Variants in MAP4K3 observed in about 807,000 individuals in gnomAD.
MAP4K3 encodes mitogen-activated protein kinase kinase kinase kinase 3, also known as MAPK/ERK kinase kinase kinase 3.
In MAP4K3, 94 loss-of-function variants were observed where a neutral mutation model predicts 143.5. That is an observed-to-expected ratio of 0.65 (90% CI 0.55 to 0.78). The LOEUF is 0.78. Among genes scored for constraint, MAP4K3 ranks in the 30% least tolerant of loss-of-function variants. The pLI is 0.00. For synonymous variants in MAP4K3, 416 were observed against 347.2 expected (o/e 1.20, Z -2.20); for missense variants, 1,077 against 1,068.1 (o/e 1.01, Z -0.12).
At chr2:39,413,735 T>C (rs1208492406) in intron 1 of MAP4K3, among the ~76,000 whole-genome samples, 1 of 151,744 alleles carries the variant, frequency 6.6e-6, no homozygotes, top group African/African-American at 2.4e-5. Context: ...AACAACTGTC[T>C]TCTCAGAACT....
intron 1 of MAP4K3, among the ~76,000 whole-genome samples, chr2:39,431,623 T>A (rs1346219927): frequency 1.3e-5 from 2 of 151,934 alleles, no homozygotes; most frequent in South Asian, 2.1e-4. Context: ...CAGATATTGG[T>A]GGGGAGGGGT....
At chr2:39,378,835 T>C (rs577044298) in intron 1 of MAP4K3, among the ~76,000 whole-genome samples, 3 of 151,888 alleles carry the variant, frequency 2.0e-5, no homozygotes, top group African/African-American at 7.2e-5. Context: ...TGTATAATTA[T>C]GTATATAAGT....
chr2:39,267,368 T>A (rs557769173), intron 26 of MAP4K3, 121 bp from the exon 27 acceptor site: 32 of 739,308 alleles, frequency 4.3e-5, no homozygotes, highest in Middle Eastern at 7.7e-4. Flanking sequence ...TACTAGCTCA[T>A]CTATTAAAAT....
chr2:39,378,996 A>G (rs1326989659), intron 1 of MAP4K3, among the ~76,000 whole-genome samples: 2 of 152,192 alleles, frequency 1.3e-5, no homozygotes, highest in East Asian at 3.9e-4. Flanking sequence ...TTTCAATTTG[A>G]TATTTTAAAC....
chr2:39,287,426 TA>T (rs1681840214), intron 20 of MAP4K3, among the ~76,000 whole-genome samples: 1 of 151,646 alleles, frequency 6.6e-6, no homozygotes, highest in African/African-American at 2.4e-5. Flanking sequence ...GTCTCCCAAG[TA>T]GCTGGGATTA....
intron 12 of MAP4K3, among the ~76,000 whole-genome samples, chr2:39,319,159 C>A (rs537974610): frequency 1.1e-3 from 171 of 152,148 alleles, no homozygotes; most frequent in Admixed American, 2.0e-3. Context: ...AATGCCAATA[C>A]TTTCTGAATG....
At chr2:39,369,097 GA>G (rs1033872044) in intron 2 of MAP4K3, among the ~76,000 whole-genome samples, 4 of 151,634 alleles carry the variant, frequency 2.6e-5, no homozygotes, top group Non-Finnish European at 4.4e-5. Context: ...TGTGTACACT[GA>G]ATCTGCCTAC....
intron 2 of MAP4K3, among the ~76,000 whole-genome samples, chr2:39,357,419 G>A (rs1191528200): frequency 6.6e-6 from 1 of 152,124 alleles, no homozygotes; most frequent in Non-Finnish European, 1.5e-5. Flanking sequence ...TAAGTATAAG[G>A]TCATTGTGGT....
At chr2:39,350,256 A>G (rs1259650456) in intron 3 of MAP4K3, among the ~76,000 whole-genome samples, 2 of 152,346 alleles carry the variant, frequency 1.3e-5, no homozygotes, top group South Asian at 4.1e-4. Flanking sequence ...GAAAAGAGAA[A>G]GACATGAACA....
At chr2:39,419,552 C>T (rs1052083047) in intron 1 of MAP4K3, among the ~76,000 whole-genome samples, 1 of 152,112 alleles carries the variant, frequency 6.6e-6, no homozygotes, top group African/African-American at 2.4e-5. Flanking sequence ...TAACAGAAAC[C>T]TCCAATTTTG....
chr2:39,258,463 G>C (rs770725013), intron 30 of MAP4K3, 23 bp from the exon 31 acceptor site: 1 of 1,601,590 alleles, frequency 6.2e-7, no homozygotes. Flanking sequence ...AAGTCACTCA[G>C]AAACTAAGAT....
rs1681985280 is a variant in MAP4K3 at position 39,290,292 on chromosome 2, CT to C, written c.1313del (p.Lys438SerfsTer54). On this transcript the variant is annotated frameshift_variant and splice_region_variant, in exon 19 of 34. Transcript: ENST00000263881. LOFTEE classifies it high-confidence loss of function. ...KAKIPPPLPP[K>X]PKSIFIPQEM... The stretch of plus-strand genomic sequence containing the variant: ...CAAATTGAAAAATAAATCTGTCTAC[CT>C]TTGGTGGCAAAGGAGGTGGAATTTT... The C allele has an allele frequency of 6.2e-7, 1 of 1,605,362 alleles. No homozygotes were observed. The highest frequency in any genetic ancestry group is 8.5e-7 in the Non-Finnish European group (1 of 1,176,408).
At chr2:39,386,203 T>A (rs920615999) in intron 1 of MAP4K3, among the ~76,000 whole-genome samples, 2 of 152,146 alleles carry the variant, frequency 1.3e-5, no homozygotes, top group African/African-American at 4.8e-5. Context: ...GAAAAGGCCA[T>A]GTGAAGATGC....
chr2:39,369,725 C>T (rs1558670672), intron 2 of MAP4K3, among the ~76,000 whole-genome samples: 1 of 152,160 alleles, frequency 6.6e-6, no homozygotes, highest in Non-Finnish European at 1.5e-5. Context: ...TCTATGGAAC[C>T]CACCAAATAT....
intron 1 of MAP4K3, among the ~76,000 whole-genome samples, chr2:39,390,245 G>A (rs1287517122): frequency 6.6e-6 from 1 of 152,130 alleles, no homozygotes; most frequent in African/African-American, 2.4e-5. Flanking sequence ...GTCCTGTTGT[G>A]CCTTCAGATT....
rs142922034 is a variant in MAP4K3, at chr2:39,375,435, TG to T, written c.154+2630del. ...ACAAGGCAATCAGCAAAATCTGGAC[TG>T]GGGGGGAACTTTACAGGATAAATGA... On this transcript the variant is annotated intron_variant, in intron 2 of 33. Coordinates refer to ENST00000263881, the MANE Select transcript of MAP4K3 (RefSeq NM_003618.4). 1.7e-3 allele frequency among the ~76,000 whole-genome samples: 261 copies of T among 152,120 alleles called. 6 individuals are homozygous for T. The East Asian group carries it at 0.023, about 14-fold the overall frequency.
chr2:39,304,359 C>T (rs974966015), intron 15 of MAP4K3, among the ~76,000 whole-genome samples: 1 of 152,134 alleles, frequency 6.6e-6, no homozygotes, highest in Non-Finnish European at 1.5e-5. Flanking sequence ...TACCTTGGTG[C>T]CAACTGCCAG....
At chr2:39,376,048 CATT>C (rs150507435) in intron 2 of MAP4K3, among the ~76,000 whole-genome samples, 4,936 of 152,246 alleles carry the variant, frequency 0.032, 113 homozygotes, top group South Asian at 0.051. Flanking sequence ...GCATGACAAT[CATT>C]GTGTCGGCAG....
intron 19 of MAP4K3, among the ~76,000 whole-genome samples, chr2:39,289,984 G>A (rs1378549207): frequency 4.6e-5 from 7 of 151,788 alleles, no homozygotes; most frequent in Admixed American, 1.3e-4. Flanking sequence ...CTACTGGGGA[G>A]GCTGAGGCAG....
Sources: gnomAD v4.1 joint callset for allele counts (sites outside exome capture counted in the v4.1 genomes callset) on GRCh38, gnomAD v4.1.1 for gene constraint, MANE v1.5 for transcripts, NCBI Gene and HGNC (gene_info 2026-07-23, HGNC 2026-07-21) for gene names.